Variants in RSRC1 observed in about 807,000 individuals in gnomAD.
The protein encoded by RSRC1 is serine/Arginine-related protein 53.
Under a neutral mutation model 49.1 loss-of-function variants are expected in RSRC1, and 39 were observed. The observed-to-expected ratio is 0.79, with a 90% CI of 0.61 to 1.04. The LOEUF is 1.04. Ranked by LOEUF, RSRC1 falls within the 50% of genes least tolerant of loss-of-function variation. The pLI is 0.00. For synonymous variants in RSRC1, 143 were observed against 130.8 expected (o/e 1.09, Z -0.63); for missense variants, 388 against 402.4 (o/e 0.96, Z 0.31).
rs1228979154 is a variant in RSRC1 at position 158,544,285 on chromosome 3, A to C, written c.*10A>C. On this transcript the variant is annotated 3_prime_UTR_variant, in exon 10 of 10. Coordinates refer to ENST00000611884, the MANE Select transcript of RSRC1 (RefSeq NM_001271838.2). ...CAGTCCTGTGGCCTAAGTAATATAC[A>C]TATAGTTGGATTGGATTGTCAGCAG... is the stretch of plus-strand genomic sequence containing the variant. 1 of 1,515,028 alleles carries C rather than the reference A, an allele frequency of 6.6e-7. No individual in the cohort carries two copies. The highest frequency in any genetic ancestry group is 9.1e-7 in the Non-Finnish European group (1 of 1,103,178). The allele number at this position is 1,515,028 out of a possible 1,614,324, so 93.8% of individuals were successfully genotyped here.
intron 7 of RSRC1, among the ~76,000 whole-genome samples, chr3:158,492,386 A>G (rs1017559893): frequency 2.0e-5 from 3 of 152,260 alleles, no homozygotes; most frequent in East Asian, 1.9e-4. Context: ...AAGCCATAAT[A>G]TATTTTCAAA....
At chr3:158,387,598 T>TA (rs1733035013) in intron 6 of RSRC1, among the ~76,000 whole-genome samples, 1 of 152,168 alleles carries the variant, frequency 6.6e-6, no homozygotes, top group African/African-American at 2.4e-5. Flanking sequence ...ACTCAGTGCC[T>TA]TAATATCTTT....
rs67839411 is a variant in RSRC1, at chr3:158,477,798, T to TTATATATA, written c.652+16817_652+16824dup. Reference sequence around the variant, plus strand: ...TGATGGGATAGGTTGCGGGAGGGATTTATATATATATATATATATATATAT... The same window carrying TTATATATA: ...TGATGGGATAGGTTGCGGGAGGGATTTATATATATATATATATATATATATATATATAT... On this transcript the variant is annotated intron_variant, in intron 7 of 9. Coordinates refer to ENST00000611884, the MANE Select transcript of RSRC1 (RefSeq NM_001271838.2). Among the ~76,000 whole-genome samples, 117 of 89,754 alleles carry TTATATATA rather than the reference T, an allele frequency of 1.3e-3. 3 individuals are homozygous for TTATATATA. The highest frequency in any genetic ancestry group is 0.012 in the South Asian group (29 of 2,406). The allele number at this position is 89,754 out of a possible 152,430, so 58.9% of individuals were successfully genotyped here.
chr3:158,118,110 C>T (rs967563632), intron 1 of RSRC1, among the ~76,000 whole-genome samples: 4 of 151,994 alleles, frequency 2.6e-5, no homozygotes, highest in African/African-American at 9.7e-5. Flanking sequence ...TCACCACGTC[C>T]AGCTAATTTT....
chr3:158,146,100 C>G (rs191942797), intron 3 of RSRC1, among the ~76,000 whole-genome samples: 1 of 152,266 alleles, frequency 6.6e-6, no homozygotes, highest in Admixed American at 6.5e-5. Context: ...CTTCTCTTTT[C>G]CTAATTGAAT....
chr3:158,453,732 C>T (rs780721962), intron 6 of RSRC1, among the ~76,000 whole-genome samples: 5 of 152,098 alleles, frequency 3.3e-5, no homozygotes, highest in South Asian at 2.1e-4. Context: ...CTTAATTCCC[C>T]GCAGAAAATT....
intron 5 of RSRC1, among the ~76,000 whole-genome samples, chr3:158,317,809 C>T (rs1250440047): frequency 6.6e-6 from 1 of 151,984 alleles, no homozygotes; most frequent in African/African-American, 2.4e-5. Context: ...GTCCACCCAT[C>T]TTGGGCTCCC....
intron 6 of RSRC1, among the ~76,000 whole-genome samples, chr3:158,362,049 G>T (rs1021975344): frequency 6.6e-6 from 1 of 152,134 alleles, no homozygotes; most frequent in Admixed American, 6.5e-5. Context: ...GTCAGGAACT[G>T]TATATTTATC....
At position 158,123,051 on chromosome 3, in the gene RSRC1, G is replaced by T. The variant is rs1404812873; in HGVS notation, c.194+753G>T. Among the ~76,000 whole-genome samples the T allele has an allele frequency of 2.6e-5, 4 of 152,138 alleles. No homozygotes were observed. In the East Asian group the frequency reaches 5.8e-4, roughly 22 times the overall value. ...GCTGCAACGGAGTTTTGCTCTTGTT[G>T]TCCAGGCTGGAGTACAATGGCGTGA... On this transcript the variant is annotated intron_variant, in intron 2 of 9. Transcript: ENST00000611884.
intron 4 of RSRC1, among the ~76,000 whole-genome samples, chr3:158,212,277 T>A (rs1251862269): frequency 6.6e-6 from 1 of 151,888 alleles, no homozygotes; most frequent in African/African-American, 2.4e-5. Flanking sequence ...GCATTTTTTT[T>A]AAGCAACTTT....
intron 4 of RSRC1, among the ~76,000 whole-genome samples, chr3:158,241,582 C>T (rs1723581932): frequency 6.6e-6 from 1 of 151,178 alleles, no homozygotes; most frequent in Non-Finnish European, 1.5e-5. Flanking sequence ...TGCTAGTGGA[C>T]TAATAAAAAA....
chr3:158,301,016 G>A (rs139905683), intron 5 of RSRC1, among the ~76,000 whole-genome samples: 1 of 152,064 alleles, frequency 6.6e-6, no homozygotes, highest in Admixed American at 6.6e-5. Context: ...ACCTCTTCAA[G>A]GACTGATTTC....
chr3:158,198,510 G>A (rs1292033322), intron 3 of RSRC1, among the ~76,000 whole-genome samples: 2 of 152,118 alleles, frequency 1.3e-5, no homozygotes, highest in Non-Finnish European at 2.9e-5. Context: ...ATATTGTTAT[G>A]TGTGAATTTG....
intron 6 of RSRC1, among the ~76,000 whole-genome samples, chr3:158,391,164 C>T (rs1325010555): frequency 6.6e-6 from 1 of 152,164 alleles, no homozygotes; most frequent in Non-Finnish European, 1.5e-5. Context: ...TTATTCTCCA[C>T]ACCCCCACCC....
intron 5 of RSRC1, among the ~76,000 whole-genome samples, chr3:158,315,472 A>G (rs1453325645): frequency 2.0e-5 from 3 of 152,154 alleles, no homozygotes; most frequent in Admixed American, 1.3e-4. Flanking sequence ...AGGCTATATG[A>G]TTTGTTCAAG....
At chr3:158,534,501 C>T (rs1712606423) in intron 7 of RSRC1, among the ~76,000 whole-genome samples, 1 of 151,520 alleles carries the variant, frequency 6.6e-6, no homozygotes, top group Non-Finnish European at 1.5e-5. Context: ...TACAATCAAT[C>T]CTAATTCAAC....
chr3:158,192,906 T>C (rs561914149), intron 3 of RSRC1, among the ~76,000 whole-genome samples: 1 of 152,232 alleles, frequency 6.6e-6, no homozygotes, highest in South Asian at 2.1e-4. Context: ...GCGATTGTTA[T>C]GCCAGCCTTG....
intron 5 of RSRC1, among the ~76,000 whole-genome samples, chr3:158,347,212 A>C (rs1730602696): frequency 6.6e-6 from 1 of 152,198 alleles, no homozygotes. Flanking sequence ...GTCAGGAACT[A>C]TATCTTTTCA....
chr3:158,377,144 T>C (rs1732421093), intron 6 of RSRC1, among the ~76,000 whole-genome samples: 1 of 152,226 alleles, frequency 6.6e-6, no homozygotes, highest in Admixed American at 6.5e-5. Flanking sequence ...ATTTTCTCTT[T>C]ATGGTTCTCA....
Sources: allele counts gnomAD v4.1 joint callset (sites outside exome capture counted in the v4.1 genomes callset), GRCh38; gene constraint gnomAD v4.1.1; transcripts MANE v1.5; gene names NCBI Gene and HGNC (gene_info 2026-07-23, HGNC 2026-07-21).